The following LPP variants were observed in gnomAD, a reference collection of about 807,000 sequenced individuals.
LPP encodes LIM domain containing preferred translocation partner in lipoma.
LPP carries 38 observed loss-of-function variants against 60.4 expected under a neutral mutation model. The observed-to-expected ratio is 0.63, with a 90% CI of 0.49 to 0.83. LPP has a LOEUF of 0.83. Among genes scored for constraint, LPP ranks in the 40% least tolerant of loss-of-function variants. LPP has a pLI of 0.00. For missense variants in LPP, 902 were observed against 783.6 expected (o/e 1.15, Z -1.80); for synonymous variants, 328 against 290.8 (o/e 1.13, Z -1.30).
intron 5 of LPP, 50 bp from the exon 6 acceptor site, chr3:188,524,615 G>T (rs1190354400): frequency 1.9e-6 from 3 of 1,556,410 alleles, no homozygotes; most frequent in Non-Finnish European, 2.6e-6. Context: ...AACTTATAAT[G>T]ATATCAAGGG....
At chr3:188,252,168 A>C (rs2149586898) in intron 2 of LPP, among the ~76,000 whole-genome samples, 4 of 37,396 alleles carry the variant, frequency 1.1e-4, no homozygotes, top group Admixed American at 4.0e-4. Flanking sequence ...TTCTTCCCCA[A>C]ACATATATAT....
At chr3:188,154,396 T>A (rs1041584049) in intron 1 of LPP, among the ~76,000 whole-genome samples, 144 bp downstream of exon 1, 6 of 151,830 alleles carry the variant, frequency 4.0e-5, no homozygotes, top group Non-Finnish European at 4.4e-5. Flanking sequence ...TGTGCGGAAG[T>A]GCCGGCCGCG....
intron 6 of LPP, among the ~76,000 whole-genome samples, chr3:188,529,028 A>G (rs1488736368): frequency 2.0e-5 from 3 of 152,220 alleles, no homozygotes; most frequent in Non-Finnish European, 2.9e-5. Context: ...AAATTAAAGG[A>G]TGATCCATTC....
At chr3:188,533,592 A>G (rs1194968939) in intron 6 of LPP, among the ~76,000 whole-genome samples, 1 of 152,218 alleles carries the variant, frequency 6.6e-6, no homozygotes, top group African/African-American at 2.4e-5. Flanking sequence ...TTTGAGAGCT[A>G]TGGTAAAAGT....
intron 9 of LPP, among the ~76,000 whole-genome samples, chr3:188,790,632 C>T (rs1743370157): frequency 6.6e-6 from 1 of 151,954 alleles, no homozygotes; most frequent in African/African-American, 2.4e-5. Flanking sequence ...ACTAGCCTGG[C>T]CAACATGGTG....
intron 2 of LPP, among the ~76,000 whole-genome samples, chr3:188,292,189 A>G (rs1311743235): frequency 6.6e-6 from 1 of 152,096 alleles, no homozygotes; most frequent in Admixed American, 6.5e-5. Flanking sequence ...CCTTTTTTGC[A>G]TGAGGTAATT....
At chr3:188,340,024 G>C (rs923866571) in intron 2 of LPP, among the ~76,000 whole-genome samples, 1 of 152,186 alleles carries the variant, frequency 6.6e-6, no homozygotes, top group Admixed American at 6.5e-5. Flanking sequence ...GTGTGTGTTA[G>C]TGCTTCGACA....
rs147310103 is a variant in LPP at position 188,158,759 on chromosome 3, T to C, written c.-190+4507T>C. On this transcript the variant is annotated intron_variant, in intron 1 of 11. Coordinates refer to ENST00000617246, the MANE Select transcript of LPP (RefSeq NM_001375462.1). ...AAGGTTACACAACTACCAGGAGGCA[T>C]TCAAACTTCTGCCTCATTCTTATAG... Among the ~76,000 whole-genome samples the C allele has an allele frequency of 2.6e-5, 4 of 152,326 alleles. No individual in the cohort carries two copies. The East Asian group carries it at 7.7e-4, about 29-fold the overall frequency.
chr3:188,350,988 G>A (rs1765683021), intron 3 of LPP, among the ~76,000 whole-genome samples: 1 of 152,066 alleles, frequency 6.6e-6, no homozygotes, highest in Non-Finnish European at 1.5e-5. Flanking sequence ...ATCCCTGTCT[G>A]CTCTTTGGCT....
intron 6 of LPP, among the ~76,000 whole-genome samples, chr3:188,579,175 C>G (rs577641220): frequency 2.6e-5 from 4 of 152,346 alleles, no homozygotes; most frequent in South Asian, 2.1e-4. Flanking sequence ...GTGGCTAGAG[C>G]TGCCAAAGCC....
chr3:188,746,231 G>A (rs1035911508), intron 8 of LPP, among the ~76,000 whole-genome samples: 1 of 151,990 alleles, frequency 6.6e-6, no homozygotes, highest in Non-Finnish European at 1.5e-5. Flanking sequence ...TAATCTTTCT[G>A]TACAGTCGGC....
chr3:188,611,441 T>C (rs889803211), intron 7 of LPP, among the ~76,000 whole-genome samples: 1 of 151,968 alleles, frequency 6.6e-6, no homozygotes, highest in Non-Finnish European at 1.5e-5. Context: ...TCAAGGGGAG[T>C]CTATTTTCAA....
Position 188,217,766 on chromosome 3 carries a change from T to C in LPP, c.-189-7639T>C, listed in dbSNP as rs1714218790. 6.6e-6 allele frequency among the ~76,000 whole-genome samples: 1 copy of C among 152,144 alleles called. No homozygotes were observed. Among genetic ancestry groups the C allele is most frequent in the Admixed American group, 6.5e-5 (1 of 15,280 alleles). Reference sequence around the variant, plus strand: ...GGTTGCCCAGATAAGCAGCTGGCGTTCCAAGACCAAAGAGTATCTGTTTCT... The same window carrying C: ...GGTTGCCCAGATAAGCAGCTGGCGTCCCAAGACCAAAGAGTATCTGTTTCT... On this transcript the variant is annotated intron_variant, in intron 1 of 11. Coordinates refer to ENST00000617246, the MANE Select transcript of LPP (RefSeq NM_001375462.1). This position sits in a 1 kb window ranked among gnomAD's most constrained non-coding sequence, Gnocchi z 4.0.
intron 6 of LPP, among the ~76,000 whole-genome samples, chr3:188,554,816 T>C (rs1375179774): frequency 6.6e-6 from 1 of 152,184 alleles, no homozygotes; most frequent in African/African-American, 2.4e-5. Context: ...TATTATGACA[T>C]ATTTATTGAA....
At chr3:188,523,980 C>T (rs1453071074) in intron 5 of LPP, among the ~76,000 whole-genome samples, 1 of 152,188 alleles carries the variant, frequency 6.6e-6, no homozygotes, top group Non-Finnish European at 1.5e-5. Flanking sequence ...TTGTTGTCCT[C>T]TACTCTCCTG....
At chr3:188,777,083 C>A (rs1334238173) in intron 9 of LPP, among the ~76,000 whole-genome samples, 1 of 152,090 alleles carries the variant, frequency 6.6e-6, no homozygotes, top group African/African-American at 2.4e-5. Context: ...CCACCTGTAC[C>A]AATCATTTAG....
intron 1 of LPP, among the ~76,000 whole-genome samples, chr3:188,165,362 G>A (rs988659714): frequency 6.6e-6 from 1 of 152,136 alleles, no homozygotes; most frequent in Non-Finnish European, 1.5e-5. Flanking sequence ...ATTGTCATTT[G>A]ATTGGGCATT....
chr3:188,189,087 T>C (rs1727414869), intron 1 of LPP, among the ~76,000 whole-genome samples: 2 of 152,076 alleles, frequency 1.3e-5, no homozygotes, highest in Admixed American at 6.5e-5. Context: ...AGTGCTATTT[T>C]ATTTATTTAT....
At chr3:188,386,796 C>T (rs1778421912) in intron 3 of LPP, among the ~76,000 whole-genome samples, 1 of 152,160 alleles carries the variant, frequency 6.6e-6, no homozygotes, top group Non-Finnish European at 1.5e-5. Context: ...TTAATTCAAA[C>T]TCCAGCCCAT....
Sources: gnomAD v4.1 joint callset for allele counts (sites outside exome capture counted in the v4.1 genomes callset) on GRCh38, gnomAD v4.1.1 for gene constraint, Gnocchi (gnomAD v3.1) non-coding constraint, MANE v1.5 for transcripts, NCBI Gene and HGNC (gene_info 2026-07-23, HGNC 2026-07-21) for gene names.